The following MDH1 variants were observed in gnomAD, a reference collection of about 807,000 sequenced individuals.
The protein encoded by MDH1 is malate dehydrogenase 1.
In MDH1, 15 loss-of-function variants were observed where a neutral mutation model predicts 38.7. That is an observed-to-expected ratio of 0.39 (90% CI 0.26 to 0.60). The LOEUF (loss-of-function observed/expected upper bound fraction) is 0.60, where lower values mean the gene tolerates loss of function less well. Ranked by LOEUF, MDH1 falls within the 20% of genes least tolerant of loss-of-function variation. The pLI is 0.56. For synonymous variants in MDH1, 144 were observed against 143.6 expected (o/e 1.00, Z -0.02); for missense variants, 368 against 405.2 (o/e 0.91, Z 0.79).
chr2:63,599,844 C>G lies in MDH1; in HGVS notation c.498+552C>G, dbSNP rs565942322. On this transcript the variant is annotated intron_variant, in intron 5 of 8. Coordinates refer to ENST00000233114, the MANE Select transcript of MDH1 (RefSeq NM_005917.4). ...AAGTCTGTTGCTAATTTTCTTTACT[C>G]TTAGAGCCATAGATAAGTATGCCAA... The G allele has an allele frequency of 2.0e-5, 3 of 152,322 alleles. No homozygotes were observed. In the East Asian group the frequency reaches 5.8e-4, roughly 29 times the overall value. The allele number at this position is 152,322 out of a possible 1,614,324, so 9.4% of individuals were successfully genotyped here. A position where few individuals can be genotyped will look rare whatever the true frequency, so the allele number is the denominator to read the frequency against.
intron 4 of MDH1, 112 bp from the exon 5 acceptor site, chr2:63,599,058 C>G: frequency 2.0e-6 from 2 of 986,592 alleles, no homozygotes; most frequent in African/African-American, 3.3e-5. Flanking sequence ...TGGTGTTTCC[C>G]AAGCCTCCCC....
At chr2:63,589,814 T>A (rs1248210845) in intron 1 of MDH1, 2 of 233,202 alleles carry the variant, frequency 8.6e-6, no homozygotes, top group East Asian at 1.9e-4. Context: ...GAAGGAACTC[T>A]GGCGTAGGAA....
intron 1 of MDH1, among the ~76,000 whole-genome samples, chr2:63,592,323 T>C (rs1024304607): frequency 2.0e-5 from 3 of 152,214 alleles, no homozygotes; most frequent in Non-Finnish European, 4.4e-5. Flanking sequence ...TATATATGAA[T>C]AAAATACCTT....
At chr2:63,599,668 T>G (rs1486988473) in intron 5 of MDH1, 1 of 152,998 alleles carries the variant, frequency 6.5e-6, no homozygotes, top group African/African-American at 2.4e-5. Context: ...TTGAGCTTTG[T>G]GTGATTGTGT....
intron 5 of MDH1, among the ~76,000 whole-genome samples, chr2:63,602,169 TA>T (rs1295115753): frequency 6.6e-6 from 1 of 152,242 alleles, no homozygotes; most frequent in Non-Finnish European, 1.5e-5. Flanking sequence ...AGTAAACTTT[TA>T]ACTATTTTAG....
At chr2:63,593,096 T>C (rs527609582) in intron 1 of MDH1, 26 of 152,990 alleles carry the variant, frequency 1.7e-4, no homozygotes, top group African/African-American at 6.3e-4. Context: ...TTTTTTTGTT[T>C]GTTGTTTTTT....
chr2:63,592,010 A>G (rs1436029472), intron 1 of MDH1, among the ~76,000 whole-genome samples: 5 of 152,186 alleles, frequency 3.3e-5, no homozygotes, highest in African/African-American at 9.7e-5. Flanking sequence ...TTGAACACAG[A>G]AAGTCTGGCT....
rs948495688 is a variant in MDH1 at position 63,598,330 on chromosome 2, T to G, written c.375+756T>G. ...TTTTAGTAGAGACGGGATTTCACCA[T>G]GTTGGCCAGGCTGGTCTCGAACTCC... On this transcript the variant is annotated intron_variant, in intron 4 of 8. Coordinates refer to ENST00000233114, the MANE Select transcript of MDH1 (RefSeq NM_005917.4). 6.6e-5 allele frequency: 10 copies of G among 152,174 alleles called. No individual in the cohort carries two copies. The East Asian group carries it at 1.9e-3, about 29-fold the overall frequency. 9.4% of individuals were successfully genotyped at this position (152,174 alleles called of 1,614,324 possible). A position where few individuals can be genotyped will look rare whatever the true frequency, so the allele number is the denominator to read the frequency against.
chr2:63,607,055 AAAT>A lies in MDH1; in HGVS notation c.*78_*80del. The A allele has an allele frequency of 2.8e-6, 4 of 1,412,590 alleles. No individual in the cohort carries two copies. The highest frequency in any genetic ancestry group is 2.4e-5 in the East Asian group (1 of 42,368). The allele number at this position is 1,412,590 out of a possible 1,614,324, so 87.5% of individuals were successfully genotyped here. ...AAATGTCGTCTTTGACTCAAGTACC[AAAT>A]AATAATAATGCTATACTTAAATTAC... On this transcript the variant is annotated 3_prime_UTR_variant, in exon 9 of 9. Coordinates refer to ENST00000233114, the MANE Select transcript of MDH1 (RefSeq NM_005917.4).
intron 5 of MDH1, among the ~76,000 whole-genome samples, chr2:63,600,253 T>C (rs949230889): frequency 1.3e-5 from 2 of 152,240 alleles, no homozygotes; most frequent in African/African-American, 4.8e-5. Flanking sequence ...CTACTGTAAA[T>C]TGAATGCTAT....
At position 63,606,915 on chromosome 2, in the gene MDH1, G is replaced by A. The variant is rs780927193; in HGVS notation, c.933G>A (p.Glu311=). 2 of 1,612,616 alleles carry A rather than the reference G, an allele frequency of 1.2e-6. No homozygotes were observed. Among genetic ancestry groups the A allele is most frequent in the East Asian group, 2.2e-5 (1 of 44,776 alleles). The part of the protein sequence containing the change: ...EGLPINDFSR[E]KMDLTAKELT... Reference sequence around the variant, plus strand: ...TCCCTATTAATGATTTCTCACGTGAGAAGATGGATCTTACTGCAAAGGAAC... The same window carrying A: ...TCCCTATTAATGATTTCTCACGTGAAAAGATGGATCTTACTGCAAAGGAAC... Residue 311 remains glutamate (E), a synonymous_variant, in exon 9 of 9, where the codon GAG becomes GAA. Coordinates refer to ENST00000233114, the MANE Select transcript of MDH1 (RefSeq NM_005917.4).
rs750883157 is a variant in MDH1, at chr2:63,604,871, C to T, written c.674C>T (p.Thr225Met). The change falls in exon 6 of 9, where the codon ACG (threonine) becomes ATG (methionine). Residue 225 changes from threonine (T) to methionine (M), a missense_variant and splice_region_variant. Thr to Met is a moderately conservative substitution (Grantham distance 81, BLOSUM62 -1). Coordinates refer to ENST00000233114, the MANE Select transcript of MDH1 (RefSeq NM_005917.4). ...DDSWLKGEFVTTVQQRGAAVI... is the reference protein window; with the variant it reads ...DDSWLKGEFVMTVQQRGAAVI... ...AGCTGGCTCAAGGGAGAATTTGTCA[C>T]GGTAAGAAAAATCTGTGAGCCTTCT... The T allele has an allele frequency of 1.2e-5, 20 of 1,613,682 alleles. No individual in the cohort carries two copies. Among genetic ancestry groups the T allele is most frequent in the South Asian group, 5.5e-5 (5 of 91,030 alleles).
chr2:63,590,222 T>C (rs1709158131), intron 1 of MDH1: 1 of 152,230 alleles, frequency 6.6e-6, no homozygotes, highest in African/African-American at 2.4e-5. Flanking sequence ...GACTTTTTGC[T>C]TTTAGAACTG....
intron 1 of MDH1, chr2:63,593,452 T>G (rs2106601836): frequency 2.4e-6 from 1 of 414,406 alleles, no homozygotes; most frequent in African/African-American, 2.1e-5. Context: ...AGTACCAAAT[T>G]GCTGAGTGCT....
At chr2:63,595,721 G>T (rs1709297529) in intron 3 of MDH1, among the ~76,000 whole-genome samples, 1 of 152,088 alleles carries the variant, frequency 6.6e-6, no homozygotes, top group Non-Finnish European at 1.5e-5. Context: ...GTCAGGTAAA[G>T]GACTATCCTT....
chr2:63,596,680 A>C (rs1184508939), intron 3 of MDH1, among the ~76,000 whole-genome samples: 1 of 152,228 alleles, frequency 6.6e-6, no homozygotes, highest in African/African-American at 2.4e-5. Context: ...TGATGCAACT[A>C]GCCAATTTTC....
chr2:63,596,446 G>C (rs552254002), intron 3 of MDH1, among the ~76,000 whole-genome samples: 1 of 152,144 alleles, frequency 6.6e-6, no homozygotes, highest in African/African-American at 2.4e-5. Flanking sequence ...AATCAGCTTT[G>C]CTGCTTTTTC....
chr2:63,597,032 G>A (rs1709327017), intron 3 of MDH1, among the ~76,000 whole-genome samples: 1 of 152,160 alleles, frequency 6.6e-6, no homozygotes, highest in Non-Finnish European at 1.5e-5. Flanking sequence ...TAAAGTAATT[G>A]TAATTTAAAG....
At chr2:63,602,507 A>C (rs1263893899) in intron 5 of MDH1, among the ~76,000 whole-genome samples, 1 of 152,146 alleles carries the variant, frequency 6.6e-6, no homozygotes, top group Admixed American at 6.5e-5. Context: ...TGAACTACAC[A>C]ATACTATTAA....
Sources: gnomAD v4.1 joint callset for allele counts (sites outside exome capture counted in the v4.1 genomes callset) on GRCh38, gnomAD v4.1.1 for gene constraint, MANE v1.5 for transcripts, NCBI Gene and HGNC (gene_info 2026-07-23, HGNC 2026-07-21) for gene names.